Variants in EXOSC7 observed in about 807,000 individuals in gnomAD.
EXOSC7 encodes exosome complex component RRP42.
EXOSC7 carries 25 observed loss-of-function variants against 34.3 expected under a neutral mutation model. The ratio of observed to expected loss-of-function variants is 0.73; its 90% confidence interval spans 0.53 to 1.02. EXOSC7 has a LOEUF of 1.02. Ranked by LOEUF, EXOSC7 falls within the 50% of genes least tolerant of loss-of-function variation. The pLI, the probability that EXOSC7 is intolerant of heterozygous loss-of-function variation, is 0.00. For missense variants in EXOSC7, 370 were observed against 368.5 expected, an observed-to-expected ratio of 1.00 and a Z score of -0.03; for synonymous variants, 130 against 143.0, an observed-to-expected ratio of 0.91 and a Z score of 0.65.
chr3:45,005,327 G>T lies in EXOSC7; in HGVS notation c.528G>T (p.Gly176=). The T allele has an allele frequency of 6.2e-7, 1 of 1,614,120 alleles. No homozygotes were observed. The highest frequency in any genetic ancestry group is 8.5e-7 in the Non-Finnish European group (1 of 1,179,978). Residue 176 remains glycine (G), a synonymous_variant, in exon 6 of 8, where the codon GGG becomes GGT. Transcript: ENST00000265564. ...TTCGAGTTTTGGAGGATGAAGAGGG[G>T]TCGAAGGACATTGAATTGTCAGATG... ...PRVRVLEDEE[G]SKDIELSDDP...
chr3:44,989,493 T>G, intron 2 of EXOSC7, 57 bp from the exon 3 acceptor site: 1 of 1,332,392 alleles, frequency 7.5e-7, no homozygotes, highest in Non-Finnish European at 1.1e-6. Flanking sequence ...AGGAGGGAGG[T>G]GGTGGAGTAC....
chr3:45,000,425 G>T (rs1464692183), intron 4 of EXOSC7, among the ~76,000 whole-genome samples: 1 of 152,210 alleles, frequency 6.6e-6, no homozygotes, highest in Non-Finnish European at 1.5e-5. Flanking sequence ...TTCTATGTGT[G>T]ACTTCTCACC....
At chr3:45,006,068 CTTTTTTTTTTTT>C (rs34869939) in intron 6 of EXOSC7, among the ~76,000 whole-genome samples, 2,516 of 47,394 alleles carry the variant, frequency 0.053, 67 homozygotes, top group Middle Eastern at 0.18. Context: ...TGGGTCTTGG[CTTTTTTTTTTTT>C]TTTTTTTTTT....
rs75588266 is a variant in EXOSC7 at position 44,986,689 on chromosome 3, G to A, written c.58-2451G>A. 3.4e-3 allele frequency among the ~76,000 whole-genome samples: 515 copies of A among 152,374 alleles called. 2 individuals carry two copies. The highest frequency in any genetic ancestry group is 4.5e-3 in the Non-Finnish European group (303 of 68,038). On this transcript the variant is annotated intron_variant, in intron 1 of 7. Coordinates refer to ENST00000265564, the MANE Select transcript of EXOSC7 (RefSeq NM_015004.4). Reference sequence around the variant, plus strand: ...ATCTTCCAGGGAGGAAAGGTGCTGGGGGAAGGATGGGCTGCACAGGACCTT... The same window carrying A: ...ATCTTCCAGGGAGGAAAGGTGCTGGAGGAAGGATGGGCTGCACAGGACCTT...
chr3:45,005,358 T>TA lies in EXOSC7; in HGVS notation c.560dup (p.Tyr187Ter), dbSNP rs1707005144. 1 of 1,614,086 alleles carries TA rather than the reference T, an allele frequency of 6.2e-7. No individual in the cohort carries two copies. The highest frequency in any genetic ancestry group is 8.5e-7 in the Non-Finnish European group (1 of 1,179,938). The stretch of plus-strand genomic sequence containing the variant: ...GGACATTGAATTGTCAGATGACCCT[T>TA]ATGACTGCATACGACTAAGTGTGGA... Reference protein sequence around the residue: ...SKDIELSDDPYDCIRLSVENV... With the variant: ...SKDIELSDDP The change falls in exon 6 of 8, where the codon TAT becomes TAAT. Residue 187 changes from tyrosine (Y) to a stop codon, truncating the protein, a stop_gained and frameshift_variant. Transcript: ENST00000265564. LOFTEE classifies it high-confidence loss of function.
In EXOSC7 at chr3:44,997,227, G is replaced by T. The variant is rs200733956; in HGVS notation, c.395G>T (p.Cys132Phe). The change falls in exon 4 of 8, where the codon TGC (cysteine) becomes TTC (phenylalanine). Residue 132 changes from cysteine (C) to phenylalanine (F), a missense_variant. By Grantham distance (205) the Cys-to-Phe change is radical. Coordinates refer to ENST00000265564, the MANE Select transcript of EXOSC7 (RefSeq NM_015004.4). Reference protein sequence around the residue: ...KTLCISPREHCWVLYVDVLLL... With the variant: ...KTLCISPREHFWVLYVDVLLL... ...CTCTGCATTAGTCCTCGGGAGCACT[G>T]CTGGGTTCTCTATGTGGATGTGCTG... 2.4e-5 allele frequency: 38 copies of T among 1,613,818 alleles called. No individual in the cohort carries two copies. The highest frequency in any genetic ancestry group is 3.2e-5 in the Non-Finnish European group (38 of 1,179,960).
At chr3:44,981,750 T>G (rs1436169684) in intron 1 of EXOSC7, among the ~76,000 whole-genome samples, 3 of 151,840 alleles carry the variant, frequency 2.0e-5, no homozygotes, top group Non-Finnish European at 4.4e-5. Flanking sequence ...ACACCCTATC[T>G]CTAAAAAAAA....
chr3:45,005,236 A>G, intron 5 of EXOSC7, 55 bp from the exon 6 acceptor site: 1 of 1,603,912 alleles, frequency 6.2e-7, no homozygotes, highest in Non-Finnish European at 8.5e-7. Flanking sequence ...CAATCTTAAA[A>G]AGAAGTTATT....
At chr3:44,995,350 C>T (rs1278005736) in intron 3 of EXOSC7, among the ~76,000 whole-genome samples, 1 of 152,192 alleles carries the variant, frequency 6.6e-6, no homozygotes, top group Non-Finnish European at 1.5e-5. Flanking sequence ...TATAAATCAT[C>T]TCCCAAGGCT....
downstream of EXOSC7, chr3:45,011,488 G>C: frequency 1.8e-6 from 1 of 563,602 alleles, no homozygotes. Context: ...GGTATGTCTA[G>C]AGTTCTTCAG....
chr3:45,012,008 G>C (rs1697299563), downstream of EXOSC7, among the ~76,000 whole-genome samples: 1 of 152,206 alleles, frequency 6.6e-6, no homozygotes, highest in African/African-American at 2.4e-5. Flanking sequence ...CATTAAGAAG[G>C]CAGCTTTCAA....
At chr3:44,979,727 C>G (rs1223526552) in intron 1 of EXOSC7, among the ~76,000 whole-genome samples, 1 of 152,100 alleles carries the variant, frequency 6.6e-6, no homozygotes, top group Non-Finnish European at 1.5e-5. Context: ...CAGTTCTGAA[C>G]TCATGTTTCC....
At chr3:45,009,670 C>T (rs765447204) in intron 7 of EXOSC7, among the ~76,000 whole-genome samples, 20 of 151,938 alleles carry the variant, frequency 1.3e-4, no homozygotes, top group Non-Finnish European at 2.1e-4. Flanking sequence ...CTCAGCTTCC[C>T]GAGTAGCTGG....
chr3:44,977,274 T>C (rs550762401), intron 1 of EXOSC7: 1 of 152,258 alleles, frequency 6.6e-6, no homozygotes, highest in Non-Finnish European at 1.5e-5. Flanking sequence ...TCAGAGTTCT[T>C]CATCCCATCC....
intron 4 of EXOSC7, among the ~76,000 whole-genome samples, chr3:44,999,850 C>T (rs574415900): frequency 4.6e-5 from 7 of 152,256 alleles, no homozygotes; most frequent in Non-Finnish European, 8.8e-5. Context: ...ATGTTTGAAG[C>T]GAGGTGGTGG....
chr3:45,004,038 T>A (rs1352537148), intron 5 of EXOSC7: 1 of 152,220 alleles, frequency 6.6e-6, no homozygotes, highest in Non-Finnish European at 1.5e-5. Context: ...CATTTCCAGT[T>A]TGAGGCTATT....
At chr3:45,008,401 C>T (rs1244063725) in intron 7 of EXOSC7, among the ~76,000 whole-genome samples, 3 of 152,204 alleles carry the variant, frequency 2.0e-5, no homozygotes, top group African/African-American at 7.2e-5. Context: ...TGACTTCATA[C>T]TGAAGAATCC....
chr3:44,991,978 A>G (rs1362197606), intron 3 of EXOSC7, among the ~76,000 whole-genome samples: 1 of 152,288 alleles, frequency 6.6e-6, no homozygotes, highest in Middle Eastern at 3.4e-3. Flanking sequence ...CCCATTTCCT[A>G]CAGAGATGGG....
chr3:44,989,484 G>A, intron 2 of EXOSC7, 66 bp from the exon 3 acceptor site: 4 of 1,277,352 alleles, frequency 3.1e-6, no homozygotes, highest in Non-Finnish European at 4.6e-6. Flanking sequence ...GTCCAGAAGA[G>A]GAGGGAGGTG....
Sources: gnomAD v4.1 joint callset for allele counts (sites outside exome capture counted in the v4.1 genomes callset) on GRCh38, gnomAD v4.1.1 for gene constraint, MANE v1.5 for transcripts, NCBI Gene and HGNC (gene_info 2026-07-23, HGNC 2026-07-21) for gene names.